Variants in ST3GAL3 observed in about 807,000 individuals in gnomAD.
ST3GAL3 encodes the protein CMP-N-acetylneuraminate-beta-1,4-galactoside alpha-2,3-sialyltransferase.
Under a neutral mutation model 50.1 loss-of-function variants are expected in ST3GAL3, and 21 were observed. The observed-to-expected ratio is 0.42, with a 90% confidence interval of 0.30 to 0.60. The LOEUF (loss-of-function observed/expected upper bound fraction) is 0.60. ST3GAL3 is among the 20% of genes least tolerant of loss of function. ST3GAL3 has a pLI of 0.19. For synonymous variants in ST3GAL3, 183 were observed against 190.0 expected, an observed-to-expected ratio of 0.96 and a Z score of 0.30; for missense variants, 353 against 489.4, an observed-to-expected ratio of 0.72 and a Z score of 2.63.
intron 6 of ST3GAL3, among the ~76,000 whole-genome samples, chr1:43,895,969 G>A (rs1039595322): frequency 6.6e-6 from 1 of 152,302 alleles, no homozygotes; most frequent in East Asian, 1.9e-4. Context: ...CTTGACCTTG[G>A]CTAATTTTAG....
At chr1:43,906,747 AT>A (rs2079846245) in intron 9 of ST3GAL3, among the ~76,000 whole-genome samples, 1 of 151,984 alleles carries the variant, frequency 6.6e-6, no homozygotes. Flanking sequence ...TATCATTATC[AT>A]TATAGCTGTC....
At chr1:43,816,230 A>T (rs939303462) in intron 4 of ST3GAL3, among the ~76,000 whole-genome samples, 2 of 152,170 alleles carry the variant, frequency 1.3e-5, no homozygotes, top group Non-Finnish European at 2.9e-5. Flanking sequence ...GGCCACACCT[A>T]CGTACAAGAC....
chr1:43,723,577 ATTTCTTT>A (rs989551526), intron 1 of ST3GAL3, among the ~76,000 whole-genome samples: 12 of 151,972 alleles, frequency 7.9e-5, no homozygotes, highest in African/African-American at 2.9e-4. Flanking sequence ...AGTCTCAGGT[ATTTCTTT>A]TTTCTTTTTT....
intron 9 of ST3GAL3, among the ~76,000 whole-genome samples, chr1:43,906,695 T>A (rs1263288721): frequency 1.3e-5 from 2 of 152,220 alleles, no homozygotes; most frequent in Non-Finnish European, 2.9e-5. Flanking sequence ...CTCTCCTTGC[T>A]GCTTTTCCTT....
intron 5 of ST3GAL3, among the ~76,000 whole-genome samples, chr1:43,886,962 C>CT (rs2076079748): frequency 6.6e-6 from 1 of 152,038 alleles, no homozygotes; most frequent in African/African-American, 2.4e-5. Context: ...ACTTTGGTGT[C>CT]ATAGGGATGG....
At chr1:43,818,893 G>GA (rs2061734822) in intron 4 of ST3GAL3, among the ~76,000 whole-genome samples, 1 of 152,146 alleles carries the variant, frequency 6.6e-6, no homozygotes, top group Admixed American at 6.5e-5. Flanking sequence ...TAAGACATAA[G>GA]AAATTATTTA....
intron 5 of ST3GAL3, among the ~76,000 whole-genome samples, chr1:43,870,195 C>A (rs1276678088): frequency 6.6e-6 from 1 of 152,240 alleles, no homozygotes; most frequent in African/African-American, 2.4e-5. Flanking sequence ...TGCCTACTTA[C>A]TTCAAATGAA....
chr1:43,812,876 C>CGT (rs778683816), intron 3 of ST3GAL3, among the ~76,000 whole-genome samples: 34 of 135,246 alleles, frequency 2.5e-4, no homozygotes, highest in South Asian at 8.9e-4. Flanking sequence ...GCAGTGTGTG[C>CGT]GTGTGTGTGT....
intron 5 of ST3GAL3, chr1:43,838,665 T>C: frequency 3.2e-6 from 1 of 309,540 alleles, no homozygotes; most frequent in Non-Finnish European, 6.4e-6. Flanking sequence ...TTTTGGAAGC[T>C]TGGACCAACT....
chr1:43,906,078 T>C (rs1038234547), intron 9 of ST3GAL3, among the ~76,000 whole-genome samples: 11 of 62,934 alleles, frequency 1.7e-4, no homozygotes, highest in East Asian at 5.1e-4. Flanking sequence ...CCACTTTTCC[T>C]CCCCCTCCTC....
intron 5 of ST3GAL3, among the ~76,000 whole-genome samples, chr1:43,888,446 T>C (rs1358060544): frequency 2.0e-5 from 3 of 150,592 alleles, no homozygotes; most frequent in African/African-American, 4.9e-5. Flanking sequence ...TTTGCAAAAA[T>C]GAGGGGGGAA....
intron 2 of ST3GAL3, among the ~76,000 whole-genome samples, chr1:43,770,864 A>G (rs1052674069): frequency 2.0e-5 from 3 of 152,226 alleles, no homozygotes; most frequent in Non-Finnish European, 2.9e-5. Context: ...GTGAAGTTCA[A>G]TCTCTGAGCC....
intron 5 of ST3GAL3, among the ~76,000 whole-genome samples, chr1:43,862,381 T>TA (rs1176309934): frequency 1.3e-5 from 2 of 152,244 alleles, no homozygotes; most frequent in Admixed American, 6.5e-5. Flanking sequence ...GTCTAATTTT[T>TA]ACCTCTATCT....
At chr1:43,710,028 CGT>C (rs1242828556) in intron 1 of ST3GAL3, among the ~76,000 whole-genome samples, 1 of 152,026 alleles carries the variant, frequency 6.6e-6, no homozygotes, top group Non-Finnish European at 1.5e-5. Context: ...TTTTTCTCCC[CGT>C]GTTTTTGGTT....
intron 2 of ST3GAL3, among the ~76,000 whole-genome samples, chr1:43,748,935 T>C (rs1684964795): frequency 6.6e-6 from 1 of 152,184 alleles, no homozygotes; most frequent in African/African-American, 2.4e-5. Flanking sequence ...ATCTAGACTT[T>C]GGAAAGTAGA....
At chr1:43,808,046 G>C (rs1160910285) in intron 3 of ST3GAL3, among the ~76,000 whole-genome samples, 1 of 152,112 alleles carries the variant, frequency 6.6e-6, no homozygotes, top group Non-Finnish European at 1.5e-5. Context: ...GCTCACACCT[G>C]TAATCCCAGC....
At chr1:43,813,788 A>G (rs1283526354) in intron 3 of ST3GAL3, among the ~76,000 whole-genome samples, 2 of 151,490 alleles carry the variant, frequency 1.3e-5, no homozygotes, top group Non-Finnish European at 2.9e-5. Flanking sequence ...TGGTCTTGGT[A>G]TTCTGTTTTA....
intron 4 of ST3GAL3, among the ~76,000 whole-genome samples, chr1:43,823,404 C>G (rs2062363875): frequency 6.6e-6 from 1 of 152,152 alleles, no homozygotes; most frequent in Admixed American, 6.5e-5. Flanking sequence ...CTGTTCCCGC[C>G]TCAGACTCTT....
intron 9 of ST3GAL3, among the ~76,000 whole-genome samples, chr1:43,917,482 A>AAT (rs1255222731): frequency 8.6e-5 from 7 of 81,136 alleles, no homozygotes; most frequent in African/African-American, 3.4e-4. Flanking sequence ...TAATATATAT[A>AAT]ATATATAATA....
Sources: allele counts gnomAD v4.1 joint callset (sites outside exome capture counted in the v4.1 genomes callset), GRCh38; gene constraint gnomAD v4.1.1; transcripts MANE v1.5; gene names NCBI Gene and HGNC (gene_info 2026-07-23, HGNC 2026-07-21).